CDK5RAP2: variants seen among roughly 807,000 people sequenced by gnomAD.
CDK5RAP2 encodes CDK5 regulatory subunit-associated protein 2.
Under a neutral mutation model 232.9 loss-of-function variants are expected in CDK5RAP2, and 147 were observed. That is an observed-to-expected ratio of 0.63 (90% confidence interval 0.55 to 0.72). The LOEUF is 0.72. Among genes scored for constraint, CDK5RAP2 ranks in the 30% least tolerant of loss-of-function variants. The pLI is 0.00. For missense variants in CDK5RAP2, 2,195 were observed against 2,231.5 expected (o/e 0.98, Z 0.33); for synonymous variants, 833 against 833.7 (o/e 1.00, Z 0.01).
intron 29 of CDK5RAP2, among the ~76,000 whole-genome samples, chr9:120,410,701 T>A (rs1340645588): frequency 6.6e-6 from 1 of 152,188 alleles, no homozygotes; most frequent in East Asian, 1.9e-4. Context: ...AAAAGGAGCA[T>A]CAATATCCTT....
At position 120,510,256 on chromosome 9, in the gene CDK5RAP2, C is replaced by A. The variant is rs111376843; in HGVS notation, c.1311+8171G>T. ...GGATTAGCCAGCTGGGTGACCGGTACGACTTTAATTAGATTTTTGGGCTTT... is the reference window on the plus strand; with the variant it reads ...GGATTAGCCAGCTGGGTGACCGGTAAGACTTTAATTAGATTTTTGGGCTTT... On this transcript the variant is annotated intron_variant, in intron 12 of 37. Coordinates refer to ENST00000349780, the MANE Select transcript of CDK5RAP2 (RefSeq NM_018249.6). 1.1e-4 allele frequency among the ~76,000 whole-genome samples: 16 copies of A among 152,226 alleles called. 1 individual carries two copies. The East Asian group carries it at 3.1e-3, about 29-fold the overall frequency.
chr9:120,523,912 G>T (rs964453012), intron 11 of CDK5RAP2, among the ~76,000 whole-genome samples: 1 of 151,986 alleles, frequency 6.6e-6, no homozygotes, highest in African/African-American at 2.4e-5. Flanking sequence ...ATTGGGGGAC[G>T]GAGGGAGGAG....
chr9:120,390,111 T>C, intron 36 of CDK5RAP2: 1 of 326,820 alleles, frequency 3.1e-6, no homozygotes, highest in Non-Finnish European at 6.0e-6. Flanking sequence ...CAGGTATCCC[T>C]CAGGCTCACT....
chr9:120,545,949 A>G (rs981544118), intron 4 of CDK5RAP2, among the ~76,000 whole-genome samples, 159 bp from the exon 5 acceptor site: 3 of 152,358 alleles, frequency 2.0e-5, no homozygotes, highest in Non-Finnish European at 4.4e-5. Context: ...GGGCACAGGG[A>G]AAAGGGAATT....
At chr9:120,437,228 G>T in intron 25 of CDK5RAP2, 67 bp downstream of exon 25, 1 of 1,124,142 alleles carries the variant, frequency 8.9e-7, no homozygotes, top group Non-Finnish European at 1.3e-6. Flanking sequence ...AGCTCCTCCT[G>T]TGCCCCTCCA....
At chr9:120,548,268 C>G (rs2041922374) in intron 4 of CDK5RAP2, among the ~76,000 whole-genome samples, 1 of 152,160 alleles carries the variant, frequency 6.6e-6, no homozygotes, top group Admixed American at 6.5e-5. Context: ...GATTCTTTTT[C>G]CAGCTCTCAG....
intron 5 of CDK5RAP2, among the ~76,000 whole-genome samples, chr9:120,542,289 G>T (rs2132002152): frequency 6.6e-6 from 1 of 152,288 alleles, no homozygotes; most frequent in Non-Finnish European, 1.5e-5. Context: ...GGGATCACCT[G>T]AGGTCAGGAG....
At chr9:120,484,992 A>G (rs1302759372) in intron 14 of CDK5RAP2, among the ~76,000 whole-genome samples, 1 of 151,758 alleles carries the variant, frequency 6.6e-6, no homozygotes, top group African/African-American at 2.4e-5. Flanking sequence ...CCACAATGCT[A>G]GGATTACAGG....
intron 3 of CDK5RAP2, among the ~76,000 whole-genome samples, chr9:120,566,161 C>A (rs143338165): frequency 3.9e-5 from 6 of 152,222 alleles, no homozygotes; most frequent in African/African-American, 1.4e-4. Context: ...GCTTTAGGTG[C>A]CAAGAGCATT....
rs887025944 is a variant in CDK5RAP2, at chr9:120,460,572, C to T, written c.2202G>A (p.Glu734=). The part of the protein sequence containing the change: ...LSDQHLQQSN[E]IMKDLSKGGC... The stretch of plus-strand genomic sequence containing the variant: ...AAGGAGTTAACTGAAAGGTTCCTAC[C>T]TCATTACTCTGCTGCAAATGCTGGT... Residue 734 remains glutamate (E), a splice_region_variant and synonymous_variant, in exon 19 of 38, where the codon GAG becomes GAA. Coordinates refer to ENST00000349780, the MANE Select transcript of CDK5RAP2 (RefSeq NM_018249.6). 3 of 1,613,892 alleles carry T rather than the reference C, an allele frequency of 1.9e-6. No homozygotes were observed. Among genetic ancestry groups the T allele is most frequent in the Non-Finnish European group, 1.7e-6 (2 of 1,179,868 alleles).
chr9:120,422,820 T>G, intron 25 of CDK5RAP2, 79 bp from the exon 26 acceptor site: 1 of 1,034,102 alleles, frequency 9.7e-7, no homozygotes, highest in Non-Finnish European at 1.5e-6. Context: ...TGCTCATACA[T>G]TTGCAGAAGC....
rs191729823 is a variant in CDK5RAP2 at position 120,513,697 on chromosome 9, T to G, written c.1311+4730A>C. ...TGGTTGTTTCTTCATGTCTCTATTA[T>G]GGAATTTTCTCCTTGTCTAGTAGAG... On this transcript the variant is annotated intron_variant, in intron 12 of 37. Transcript: ENST00000349780. 3.3e-5 allele frequency among the ~76,000 whole-genome samples: 5 copies of G among 152,248 alleles called. No homozygotes were observed. The East Asian group carries it at 5.8e-4, about 18-fold the overall frequency.
intron 31 of CDK5RAP2, chr9:120,407,711 TAAA>T (rs57709885): frequency 4.9e-5 from 7 of 142,340 alleles, no homozygotes; most frequent in East Asian, 4.1e-4. Context: ...ATTAGTAAAA[TAAA>T]AAAAAAAAAA....
Position 120,473,702 on chromosome 9 carries a change from C to T in CDK5RAP2, c.1728-1824G>A, listed in dbSNP as rs575509284. 5.9e-4 allele frequency among the ~76,000 whole-genome samples: 90 copies of T among 152,304 alleles called. 3 individuals are homozygous for T. In the South Asian group the frequency reaches 0.018, roughly 31 times the overall value. On this transcript the variant is annotated intron_variant, in intron 15 of 37. Transcript: ENST00000349780. ...TCAATTTGTAAGGCTGATGAAAAACCTCACAGAGGTGTCACAGCACAGCAC... is the reference window on the plus strand; with the variant it reads ...TCAATTTGTAAGGCTGATGAAAAACTTCACAGAGGTGTCACAGCACAGCAC...
intron 25 of CDK5RAP2, among the ~76,000 whole-genome samples, chr9:120,430,639 T>C (rs199739629): frequency 0.03 from 4,571 of 151,868 alleles, 77 homozygotes; most frequent in East Asian, 0.041. Context: ...TGTGGAGAAA[T>C]AGGAACACTT....
At chr9:120,441,705 T>C (rs916305403) in intron 23 of CDK5RAP2, among the ~76,000 whole-genome samples, 3 of 152,236 alleles carry the variant, frequency 2.0e-5, no homozygotes, top group African/African-American at 7.2e-5. Flanking sequence ...CACTCTTGTA[T>C]CTGTTCATGA....
chr9:120,437,026 T>C (rs980146290), intron 25 of CDK5RAP2, among the ~76,000 whole-genome samples: 8 of 152,190 alleles, frequency 5.3e-5, no homozygotes, highest in African/African-American at 1.9e-4. Flanking sequence ...TGAGAGGCAG[T>C]GCCTTCTGGC....
intron 5 of CDK5RAP2, 133 bp downstream of exon 5, chr9:120,545,581 T>C: frequency 1.3e-6 from 1 of 759,410 alleles, no homozygotes; most frequent in Non-Finnish European, 2.4e-6. Context: ...AATAATTAAG[T>C]AAAAACAAAA....
At chr9:120,494,843 G>C (rs920062328) in intron 12 of CDK5RAP2, among the ~76,000 whole-genome samples, 1 of 147,024 alleles carries the variant, frequency 6.8e-6, no homozygotes, top group Non-Finnish European at 1.5e-5. Context: ...TGGTGGCCGC[G>C]GCTGGTGGTT....
Sources: gnomAD v4.1 joint callset for allele counts (sites outside exome capture counted in the v4.1 genomes callset) on GRCh38, gnomAD v4.1.1 for gene constraint, MANE v1.5 for transcripts, NCBI Gene and HGNC (gene_info 2026-07-23, HGNC 2026-07-21) for gene names.